MYH15: variants seen among roughly 807,000 people sequenced by gnomAD.
MYH15 encodes myosin heavy chain 15, also known as myosin-15.
A neutral mutation model predicts 240.5 loss-of-function variants in MYH15; 227 were observed. That is an observed-to-expected ratio of 0.94 (90% CI 0.85 to 1.05). The LOEUF (loss-of-function observed/expected upper bound fraction) is 1.05. Among genes scored for constraint, MYH15 ranks in the 50% least tolerant of loss-of-function variants. MYH15 has a pLI of 0.00. For missense variants in MYH15, 2,217 were observed against 2,247.5 expected (o/e 0.99, Z 0.27); for synonymous variants, 785 against 796.7 (o/e 0.99, Z 0.25).
intron 2 of MYH15, among the ~76,000 whole-genome samples, chr3:108,502,858 T>G (rs2107240524): frequency 6.6e-6 from 1 of 152,280 alleles, no homozygotes; most frequent in South Asian, 2.1e-4. Context: ...GTCCCTTCAC[T>G]TTCTGTATTT....
chr3:108,525,118 A>AAG (rs1216256119), intron 1 of MYH15, among the ~76,000 whole-genome samples: 1 of 152,014 alleles, frequency 6.6e-6, no homozygotes. Flanking sequence ...ATTTCAGCTA[A>AAG]AGATTGGGGG....
rs367544402 is a variant in MYH15 at position 108,406,724 on chromosome 3, G to C, written c.4621-1271C>G. 1.4e-3 allele frequency among the ~76,000 whole-genome samples: 216 copies of C among 152,296 alleles called. 7 individuals carry two copies. In the South Asian group the frequency reaches 0.043, roughly 30 times the overall value. On this transcript the variant is annotated intron_variant, in intron 32 of 40. Coordinates refer to ENST00000693548, the MANE Select transcript of MYH15 (RefSeq NM_014981.3). ...AAGTTGATGAAGTATTTATGGATGTGGCTGAGGACAGAAGTGGAGAAAATG... is the reference window on the plus strand; with the variant it reads ...AAGTTGATGAAGTATTTATGGATGTCGCTGAGGACAGAAGTGGAGAAAATG...
At chr3:108,414,548 A>G in intron 29 of MYH15, 120 bp from the exon 30 acceptor site, 1 of 798,610 alleles carries the variant, frequency 1.3e-6, no homozygotes, top group Non-Finnish European at 1.9e-6. Context: ...TTCAAGCCGA[A>G]CCTGAACCTA....
At chr3:108,496,963 C>T (rs1414921978) in intron 6 of MYH15, among the ~76,000 whole-genome samples, 2 of 151,382 alleles carry the variant, frequency 1.3e-5, no homozygotes, top group East Asian at 3.9e-4. Flanking sequence ...AGATCGAGAC[C>T]ATCCTGGCTA....
intron 23 of MYH15, among the ~76,000 whole-genome samples, chr3:108,440,305 G>A (rs900340466): frequency 6.6e-6 from 1 of 152,098 alleles, no homozygotes; most frequent in Non-Finnish European, 1.5e-5. Context: ...ATTGTGTTGT[G>A]CCTCAGTATC....
At chr3:108,530,837 G>A (rs2083706335), upstream of MYH15, among the ~76,000 whole-genome samples, 1 of 152,140 alleles carries the variant, frequency 6.6e-6, no homozygotes, top group Non-Finnish European at 1.5e-5. Context: ...TGATATAGAT[G>A]ATGGAATGAG....
rs185255538 is a variant in MYH15, at chr3:108,499,368, T to C, written c.524+87A>G. ...GGGCAATTAATTCAAAGATGGCGAA[T>C]CAAAGTTTTATTCCCAGTGAAATGG... On this transcript the variant is annotated intron_variant, in intron 5 of 40. Transcript: ENST00000693548. 183 of 1,356,380 alleles carry C rather than the reference T, an allele frequency of 1.3e-4. No homozygotes were observed. The African/African-American group carries it at 2.4e-3, about 18-fold the overall frequency. 84.0% of individuals were successfully genotyped at this position (1,356,380 alleles called of 1,614,324 possible).
upstream of MYH15, among the ~76,000 whole-genome samples, chr3:108,513,019 TC>T (rs2083532875): frequency 6.6e-6 from 1 of 152,116 alleles, no homozygotes; most frequent in Non-Finnish European, 1.5e-5. Flanking sequence ...GACCTCTGGG[TC>T]CCTTTAGGTT....
intron 33 of MYH15, 133 bp downstream of exon 33, chr3:108,405,205 T>C: frequency 4.5e-6 from 2 of 446,658 alleles, no homozygotes; most frequent in South Asian, 1.4e-4. Context: ...TAAAAGAAAA[T>C]AATATAGAGT....
intron 21 of MYH15, among the ~76,000 whole-genome samples, chr3:108,451,845 A>G (rs1293192351): frequency 6.6e-6 from 1 of 152,202 alleles, no homozygotes; most frequent in South Asian, 2.1e-4. Flanking sequence ...ATCTGTTAAT[A>G]TATTTCCACA....
At chr3:108,509,808 CT>C (rs373944464) in intron 1 of MYH15, among the ~76,000 whole-genome samples, 30 of 148,002 alleles carry the variant, frequency 2.0e-4, no homozygotes, top group African/African-American at 4.9e-4. Context: ...AGAACTTAGC[CT>C]TTTTTTTTTA....
chr3:108,392,391 C>A (rs146733571), intron 36 of MYH15, among the ~76,000 whole-genome samples: 1 of 152,316 alleles, frequency 6.6e-6, no homozygotes, highest in East Asian at 1.9e-4. Context: ...ACAAGTTTGG[C>A]TCCAGGAATT....
chr3:108,447,438 A>C (rs2082937667), intron 21 of MYH15, among the ~76,000 whole-genome samples: 1 of 152,178 alleles, frequency 6.6e-6, no homozygotes, highest in African/African-American at 2.4e-5. Flanking sequence ...AATTCTCAAA[A>C]GTCAAAGAGA....
intron 1 of MYH15, among the ~76,000 whole-genome samples, chr3:108,527,437 T>C (rs949900989): frequency 2.0e-5 from 3 of 152,138 alleles, no homozygotes; most frequent in African/African-American, 7.2e-5. Context: ...CCTAAAAACA[T>C]CCTTCACCAC....
intron 11 of MYH15, among the ~76,000 whole-genome samples, chr3:108,479,403 G>A (rs939788338): frequency 7.9e-5 from 12 of 152,296 alleles, no homozygotes; most frequent in South Asian, 2.1e-4. Context: ...CAGGCTCCCT[G>A]AAGCAGGTTA....
chr3:108,493,327 A>C lies in MYH15; in HGVS notation c.712-150T>G, dbSNP rs371424249. The C allele has an allele frequency of 7.7e-6, 5 of 646,074 alleles. No individual in the cohort carries two copies. In the South Asian group the frequency reaches 1.0e-4, roughly 13 times the overall value. 40.0% of individuals were successfully genotyped at this position (646,074 alleles called of 1,614,324 possible). A position where few individuals can be genotyped will look rare whatever the true frequency, so the allele number is the denominator to read the frequency against. ...AACAAAAAAAAAAAAGAAAGAAAGA[A>C]AAGAAAAGAAGAGAAAAATGCAATG... On this transcript the variant is annotated intron_variant, in intron 7 of 40. Transcript: ENST00000693548.
chr3:108,456,378 T>TCCTGCCATACAC (rs1221080481), intron 19 of MYH15, among the ~76,000 whole-genome samples: 1 of 152,178 alleles, frequency 6.6e-6, no homozygotes, highest in East Asian at 1.9e-4. Flanking sequence ...CACTCCTGCC[T>TCCTGCCATACAC]CCTGCCATAC....
chr3:108,506,752 G>A (rs937699061), intron 1 of MYH15, among the ~76,000 whole-genome samples: 2 of 152,122 alleles, frequency 1.3e-5, no homozygotes, highest in Admixed American at 6.6e-5. Context: ...AACAAATAAG[G>A]CAGGGCACAG....
chr3:108,505,866 A>G (rs745594531), intron 1 of MYH15, 37 bp from the exon 2 acceptor site: 26 of 1,357,964 alleles, frequency 1.9e-5, no homozygotes, highest in Non-Finnish European at 2.3e-5. Context: ...GATTATAGCT[A>G]TAGTACTTAC....
Sources: gnomAD v4.1 joint callset for allele counts (sites outside exome capture counted in the v4.1 genomes callset) on GRCh38, gnomAD v4.1.1 for gene constraint, MANE v1.5 for transcripts, NCBI Gene and HGNC (gene_info 2026-07-23, HGNC 2026-07-21) for gene names.